Variants in BRINP3 observed in about 807,000 individuals in gnomAD.
BRINP3 encodes BMP/retinoic acid inducible neural specific 3, also known as BMP/retinoic acid-inducible neural-specific protein 3.
BRINP3 carries 19 observed loss-of-function variants against 71.0 expected under a neutral mutation model. The observed-to-expected ratio is 0.27, with a 90% CI of 0.19 to 0.39. The LOEUF (loss-of-function observed/expected upper bound fraction) is 0.39, where lower values mean the gene tolerates loss of function less well. Ranked by LOEUF, BRINP3 falls within the 10% of genes least tolerant of loss-of-function variation. The pLI, the probability that BRINP3 is intolerant of heterozygous loss-of-function variation, is 1.00. For synonymous variants in BRINP3, 380 were observed against 337.7 expected, an observed-to-expected ratio of 1.13 and a Z score of -1.37; for missense variants, 959 against 940.8, an observed-to-expected ratio of 1.02 and a Z score of -0.25.
chr1:190,476,902 C>A (rs1677538098), intron 1 of BRINP3, among the ~76,000 whole-genome samples: 1 of 152,118 alleles, frequency 6.6e-6, no homozygotes, highest in African/African-American at 2.4e-5. Flanking sequence ...CTCTTCCTAC[C>A]ATTCAGTGGC....
chr1:190,433,117 G>A (rs1213746641), intron 2 of BRINP3, among the ~76,000 whole-genome samples: 1 of 152,124 alleles, frequency 6.6e-6, no homozygotes, highest in Admixed American at 6.5e-5. Context: ...GAAGGTGGAA[G>A]TTTTTAGTTT....
intron 2 of BRINP3, among the ~76,000 whole-genome samples, chr1:190,316,164 G>A (rs955154903): frequency 6.6e-6 from 1 of 152,016 alleles, no homozygotes; most frequent in Non-Finnish European, 1.5e-5. Context: ...GCATTGGAAA[G>A]TTCAGAATGA....
At chr1:190,412,873 T>A (rs558058414) in intron 2 of BRINP3, among the ~76,000 whole-genome samples, 2 of 151,780 alleles carry the variant, frequency 1.3e-5, no homozygotes, top group South Asian at 4.2e-4. Flanking sequence ...TAGTAGTAAT[T>A]TAAAAAATAA....
intron 2 of BRINP3, among the ~76,000 whole-genome samples, chr1:190,318,877 TAGTATGTAATAACAAAGCGCAG>T (rs966083460): frequency 7.9e-5 from 12 of 152,148 alleles, no homozygotes; most frequent in Non-Finnish European, 1.8e-4. Flanking sequence ...CTTTTCTGCT[TAGTATGTAATAACAAAGCGCAG>T]ATGTAGATCT....
intron 2 of BRINP3, among the ~76,000 whole-genome samples, chr1:190,338,981 C>G (rs1667472148): frequency 6.6e-6 from 1 of 150,762 alleles, no homozygotes; most frequent in African/African-American, 2.4e-5. Flanking sequence ...CCCCCACAGG[C>G]AGAGTATAGC....
chr1:190,305,156 T>C (rs1229930006), intron 2 of BRINP3, among the ~76,000 whole-genome samples: 3 of 151,956 alleles, frequency 2.0e-5, no homozygotes, highest in Non-Finnish European at 4.4e-5. Context: ...CCTTATATAC[T>C]GCTGGCATTA....
chr1:190,472,719 G>A (rs983562794), intron 1 of BRINP3, among the ~76,000 whole-genome samples: 2 of 151,518 alleles, frequency 1.3e-5, no homozygotes, highest in African/African-American at 4.8e-5. Context: ...CTTTGTACTT[G>A]TGGAGAGAAA....
chr1:190,281,736 C>T lies in BRINP3; in HGVS notation c.251G>A (p.Trp84Ter). The T allele has an allele frequency of 6.2e-7, 1 of 1,609,332 alleles. No individual in the cohort carries two copies. Residue 84 changes from tryptophan (W) to a stop codon, truncating the protein, a stop_gained, in exon 3 of 8, where the codon TGG (tryptophan) becomes TAG (stop). Coordinates refer to ENST00000367462, the MANE Select transcript of BRINP3 (RefSeq NM_199051.3). LOFTEE classifies it high-confidence loss of function. ...RYKIYREFGR[W>*]KVNNLAVERR... ...CTCAACTGCAAGGTTATTTACTTTC[C>T]AGCGGCCAAACTCCCTGAAAAGCAA...
intron 2 of BRINP3, among the ~76,000 whole-genome samples, chr1:190,406,420 T>G (rs767410407): frequency 1.3e-5 from 2 of 152,224 alleles, no homozygotes; most frequent in African/African-American, 2.4e-5. Context: ...GAGCCTATAT[T>G]TTCGTACTGC....
chr1:190,334,964 G>T (rs1318801840), intron 2 of BRINP3, among the ~76,000 whole-genome samples: 1 of 151,778 alleles, frequency 6.6e-6, no homozygotes. Flanking sequence ...CTTATATTGG[G>T]TGTGGTAAAT....
intron 7 of BRINP3, among the ~76,000 whole-genome samples, chr1:190,124,418 C>T (rs1313367386): frequency 1.3e-5 from 2 of 152,066 alleles, no homozygotes; most frequent in South Asian, 2.1e-4. Flanking sequence ...ACAAAACAGA[C>T]TAAGACAACT....
chr1:190,459,531 A>T (rs1296434798), intron 1 of BRINP3, among the ~76,000 whole-genome samples: 1 of 152,018 alleles, frequency 6.6e-6, no homozygotes. Context: ...TCACTGAATT[A>T]AACTTAATAT....
intron 2 of BRINP3, among the ~76,000 whole-genome samples, chr1:190,441,545 ATTTTTT>A (rs1674819984): frequency 6.6e-6 from 1 of 151,990 alleles, no homozygotes; most frequent in Non-Finnish European, 1.5e-5. Context: ...TTGAGGATAT[ATTTTTT>A]ATTATTATTC....
At chr1:190,228,190 G>A (rs551932160) in intron 5 of BRINP3, among the ~76,000 whole-genome samples, 1 of 151,696 alleles carries the variant, frequency 6.6e-6, no homozygotes, top group East Asian at 1.9e-4. Flanking sequence ...CCAAATTACT[G>A]CACATTTCAG....
At chr1:190,437,442 C>T (rs544513122) in intron 2 of BRINP3, among the ~76,000 whole-genome samples, 6 of 151,858 alleles carry the variant, frequency 4.0e-5, no homozygotes, top group African/African-American at 9.6e-5. Context: ...GTCCAGTAAT[C>T]CTAAACTATC....
At chr1:190,312,547 T>C (rs1477038513) in intron 2 of BRINP3, among the ~76,000 whole-genome samples, 1 of 151,720 alleles carries the variant, frequency 6.6e-6, no homozygotes, top group Non-Finnish European at 1.5e-5. Context: ...GTTGTCTTTC[T>C]GCCTCAAAAT....
At chr1:190,193,546 C>A (rs76473322) in intron 6 of BRINP3, among the ~76,000 whole-genome samples, 1 of 152,122 alleles carries the variant, frequency 6.6e-6, no homozygotes, top group African/African-American at 2.4e-5. Flanking sequence ...CTGGAACTTG[C>A]AAATGTTAAC....
At chr1:190,282,914 G>A (rs956257344) in intron 2 of BRINP3, among the ~76,000 whole-genome samples, 1 of 151,932 alleles carries the variant, frequency 6.6e-6, no homozygotes, top group East Asian at 1.9e-4. Context: ...TAACTCTGCC[G>A]AGACAACAAT....
intron 4 of BRINP3, among the ~76,000 whole-genome samples, chr1:190,264,505 A>G (rs556925988): frequency 1.9e-4 from 29 of 152,288 alleles, no homozygotes; most frequent in East Asian, 7.7e-4. Flanking sequence ...AGTATTTTTA[A>G]GTGGGTAAAA....
Sources: gnomAD v4.1 joint callset for allele counts (sites outside exome capture counted in the v4.1 genomes callset) on GRCh38, gnomAD v4.1.1 for gene constraint, MANE v1.5 for transcripts, NCBI Gene and HGNC (gene_info 2026-07-23, HGNC 2026-07-21) for gene names.